The following ATPSCKMT variants were observed in gnomAD, a reference collection of about 807,000 sequenced individuals.
ATPSCKMT encodes the protein ATP synthase subunit C lysine N-methyltransferase.
In ATPSCKMT, 24 loss-of-function variants were observed where a neutral mutation model predicts 24.3. The observed-to-expected ratio is 0.99, with a 90% CI of 0.71 to 1.39. The LOEUF (loss-of-function observed/expected upper bound fraction) is 1.39, where lower values mean the gene tolerates loss of function less well. Among genes scored for constraint, ATPSCKMT ranks in the 40% most tolerant of loss-of-function variants. The probability of loss-of-function intolerance (pLI) is 0.00; values close to 1 mark genes in which losing one functional copy is unlikely to be tolerated. For synonymous variants in ATPSCKMT, 95 were observed against 110.5 expected, an observed-to-expected ratio of 0.86 and a Z score of 0.88; for missense variants, 311 against 298.4, an observed-to-expected ratio of 1.04 and a Z score of -0.31.
chr5:10,236,549 A>G lies in ATPSCKMT; in HGVS notation c.373T>C (p.Tyr125His). Residue 125 changes from tyrosine (Y) to histidine (H), a missense_variant, in exon 3 of 5, where the codon TAT becomes CAT. Physicochemically the swap from Tyr to His is moderately conservative, Grantham distance 83. Transcript: ENST00000511437. The stretch of plus-strand genomic sequence containing the variant: ...TCTCGCCAAGCGCGGTATCTGGAAT[A>G]CCAAACTAGCCATGGGTTTAATTCA... ...GYELNPWLVW[Y>H]SRYRAWREGV... 1.2e-6 allele frequency: 2 copies of G among 1,614,238 alleles called. No homozygotes were observed. Among genetic ancestry groups the G allele is most frequent in the Non-Finnish European group, 1.7e-6 (2 of 1,180,044 alleles).
chr5:10,239,463 G>A (rs1326290826), intron 1 of ATPSCKMT, 107 bp from the exon 2 acceptor site: 3 of 976,296 alleles, frequency 3.1e-6, no homozygotes, highest in Admixed American at 5.5e-5. Flanking sequence ...GCTTTTTAAA[G>A]GATAATTTAG....
At chr5:10,228,553 C>T (rs1451460934) in intron 4 of ATPSCKMT, among the ~76,000 whole-genome samples, 1 of 152,194 alleles carries the variant, frequency 6.6e-6, no homozygotes, top group African/African-American at 2.4e-5. Flanking sequence ...TTACCACCTT[C>T]ACCACCTTCA....
intron 2 of ATPSCKMT, chr5:10,237,045 C>T (rs1402446585): frequency 7.8e-7 from 1 of 1,285,986 alleles, no homozygotes; most frequent in African/African-American, 1.5e-5. Context: ...AATAACCTGT[C>T]AATGAAAAAT....
intron 1 of ATPSCKMT, 72 bp downstream of exon 1, chr5:10,249,786 G>C: frequency 2.0e-6 from 3 of 1,527,718 alleles, no homozygotes; most frequent in African/African-American, 1.4e-5. Context: ...GACCTCAGCT[G>C]ACCGCGAGCC....
chr5:10,240,084 A>T (rs965976742), intron 1 of ATPSCKMT, among the ~76,000 whole-genome samples: 1 of 136,980 alleles, frequency 7.3e-6, no homozygotes, highest in East Asian at 2.3e-4. Flanking sequence ...AAAAAAAAAA[A>T]TTAGCCGGGC....
At chr5:10,228,558 C>T (rs1743986080) in intron 4 of ATPSCKMT, among the ~76,000 whole-genome samples, 2 of 152,148 alleles carry the variant, frequency 1.3e-5, no homozygotes, top group African/African-American at 4.8e-5. Flanking sequence ...ACCTTCACCA[C>T]CTTCACATCC....
chr5:10,230,790 A>C (rs1448780044), intron 4 of ATPSCKMT, among the ~76,000 whole-genome samples: 2 of 151,956 alleles, frequency 1.3e-5, no homozygotes, highest in Non-Finnish European at 2.9e-5. Context: ...CACTCCTGGC[A>C]CTTCCTCCTC....
chr5:10,248,439 A>G (rs1745054892), intron 1 of ATPSCKMT: 1 of 152,246 alleles, frequency 6.6e-6, no homozygotes, highest in African/African-American at 2.4e-5. Flanking sequence ...CTAACGTGAA[A>G]TAAGACCTGA....
chr5:10,240,212 T>A (rs1402091404), intron 1 of ATPSCKMT, among the ~76,000 whole-genome samples: 1 of 150,116 alleles, frequency 6.7e-6, no homozygotes, highest in Non-Finnish European at 1.5e-5. Context: ...CCAGCCGGGG[T>A]GACAGAGCGA....
At chr5:10,229,716 TGCC>T (rs1232815877) in intron 4 of ATPSCKMT, among the ~76,000 whole-genome samples, 5 of 152,220 alleles carry the variant, frequency 3.3e-5, no homozygotes, top group Non-Finnish European at 5.9e-5. Context: ...TCACCTGCTC[TGCC>T]TCTCTCTGTC....
chr5:10,249,837 G>A (rs772962092), intron 1 of ATPSCKMT, 21 bp downstream of exon 1: 12 of 1,163,412 alleles, frequency 1.0e-5, no homozygotes, highest in African/African-American at 2.0e-5. Context: ...CCAGGAACCC[G>A]CCAAGCCGCT....
rs1214489167 is a variant in ATPSCKMT at position 10,239,091 on chromosome 5, G to A, written c.282C>T (p.Asp94=). 1.9e-6 allele frequency: 3 copies of A among 1,614,144 alleles called. No individual in the cohort carries two copies. Among genetic ancestry groups the A allele is most frequent in the Admixed American group, 1.7e-5 (1 of 60,022 alleles). ...CAATGCGTCCGTCCCCACTACCGATGTCCACAAGGGATCCTCTTCGGCATC... is the reference window on the plus strand; with the variant it reads ...CAATGCGTCCGTCCCCACTACCGATATCCACAAGGGATCCTCTTCGGCATC... The part of the protein sequence containing the change: ...MLRCRRGSLV[D]IGSGDGRIVI... The change falls in exon 2 of 5, where the codon GAC becomes GAT. Residue 94 remains aspartate, a synonymous_variant. Coordinates refer to ENST00000511437, the MANE Select transcript of ATPSCKMT (RefSeq NM_199133.4).
intron 1 of ATPSCKMT, among the ~76,000 whole-genome samples, chr5:10,248,701 G>A (rs1745087845): frequency 6.6e-6 from 1 of 152,238 alleles, no homozygotes; most frequent in African/African-American, 2.4e-5. Context: ...CGCCAAGTCT[G>A]TTCTTGAGTT....
intron 4 of ATPSCKMT, 129 bp from the exon 5 acceptor site, chr5:10,227,776 G>A: frequency 1.3e-6 from 1 of 741,492 alleles, no homozygotes; most frequent in Admixed American, 2.3e-5. Flanking sequence ...GAGCACTCTG[G>A]GACACAAACA....
chr5:10,232,056 A>G (rs908983517), intron 4 of ATPSCKMT, among the ~76,000 whole-genome samples: 2 of 152,146 alleles, frequency 1.3e-5, no homozygotes, highest in Non-Finnish European at 2.9e-5. Flanking sequence ...TAAAACCATC[A>G]GCCGGACATG....
chr5:10,235,249 G>A lies in ATPSCKMT; in HGVS notation c.457C>T (p.Gln153Ter), dbSNP rs1048134596. Residue 153 changes from glutamine (Q) to a stop codon, truncating the protein, a stop_gained, in exon 4 of 5, where the codon CAG becomes TAG. Coordinates refer to ENST00000511437, the MANE Select transcript of ATPSCKMT (RefSeq NM_199133.4). LOFTEE classifies it low-confidence loss of function (END_TRUNC). ...CCGAAAATAACAACGTTCGAGTACT[G>A]CGAAAAAGTAACCTGAACAAGGTGG... ...ISDLWKVTFSQYSNVVIFGVP... is the reference protein window; with the variant it reads ...ISDLWKVTFS 25 of 1,613,264 alleles carry A rather than the reference G, an allele frequency of 1.5e-5. 1 individual carries two copies. In the East Asian group the frequency reaches 3.6e-4, roughly 23 times the overall value.
At chr5:10,249,645 G>T in intron 1 of ATPSCKMT, 2 of 730,760 alleles carry the variant, frequency 2.7e-6, no homozygotes, top group Non-Finnish European at 4.2e-6. Flanking sequence ...AGTCTCTGGG[G>T]AAACGCGCCC....
At chr5:10,231,024 A>T (rs2126424322) in intron 4 of ATPSCKMT, among the ~76,000 whole-genome samples, 1 of 152,126 alleles carries the variant, frequency 6.6e-6, no homozygotes, top group South Asian at 2.1e-4. Context: ...GCCTGATGTC[A>T]TGTACACCCA....
intron 1 of ATPSCKMT, among the ~76,000 whole-genome samples, chr5:10,244,862 C>T (rs1169139821): frequency 4.0e-5 from 6 of 150,670 alleles, no homozygotes; most frequent in African/African-American, 1.5e-4. Flanking sequence ...GAGCCGTGAT[C>T]GCACCATTAC....
Sources: allele counts gnomAD v4.1 joint callset (sites outside exome capture counted in the v4.1 genomes callset), GRCh38; gene constraint gnomAD v4.1.1; transcripts MANE v1.5; gene names NCBI Gene and HGNC (gene_info 2026-07-23, HGNC 2026-07-21).